The following GOLGA6L2 variants were observed in gnomAD, a reference collection of about 807,000 sequenced individuals.
GOLGA6L2 encodes the protein golgin A6 family like 2, also known as golgin subfamily A member 6-like protein 2.
GOLGA6L2 carries 30 observed loss-of-function variants against 35.9 expected under a neutral mutation model. The ratio of observed to expected loss-of-function variants is 0.83; its 90% confidence interval spans 0.62 to 1.13. The LOEUF (loss-of-function observed/expected upper bound fraction) is 1.13, where lower values mean the gene tolerates loss of function less well. GOLGA6L2 is among the 50% of genes most tolerant of loss of function. GOLGA6L2 has a pLI of 0.00. For missense variants in GOLGA6L2, 821 were observed against 973.4 expected (o/e 0.84, Z 2.08); for synonymous variants, 297 against 344.0 (o/e 0.86, Z 1.51).
Position 23,440,830 on chromosome 15 carries a change from C to A in GOLGA6L2, c.1645G>T (p.Gly549Ter). 1 of 1,519,788 alleles carries A rather than the reference C, an allele frequency of 6.6e-7. No homozygotes were observed. The highest frequency in any genetic ancestry group is 8.8e-7 in the Non-Finnish European group (1 of 1,130,506). The allele number at this position is 1,519,788 out of a possible 1,614,324, so 94.1% of individuals were successfully genotyped here. A position where few individuals can be genotyped will look rare whatever the true frequency, so the allele number is the denominator to read the frequency against. The change falls in exon 8 of 8, where the codon GGA becomes TGA. Residue 549 changes from glycine to a stop codon, truncating the protein, a stop_gained. Transcript: ENST00000567107. LOFTEE classifies it low-confidence loss of function (END_TRUNC). ...GCTTCTCCTGCTCCTGCAGCCTCTCCTCCTGTCTCCACATCTTCCTGCTCC... is the reference window on the plus strand; with the variant it reads ...GCTTCTCCTGCTCCTGCAGCCTCTCATCCTGTCTCCACATCTTCCTGCTCC... ...MREQEDVETGGEAAGAGEADV... is the reference protein window; with the variant it reads ...MREQEDVETG
At position 23,440,489 on chromosome 15, in the gene GOLGA6L2, T is replaced by C; in HGVS notation, c.1986A>G (p.Gly662=). 1 of 328,188 alleles carries C rather than the reference T, an allele frequency of 3.0e-6. No individual in the cohort carries two copies. The highest frequency in any genetic ancestry group is 4.0e-6 in the Non-Finnish European group (1 of 248,792). 20.3% of individuals were successfully genotyped at this position (328,188 alleles called of 1,614,324 possible). A position where few individuals can be genotyped will look rare whatever the true frequency, so the allele number is the denominator to read the frequency against. The change falls in exon 8 of 8, where the codon GGA becomes GGG. Residue 662 remains glycine (G), a synonymous_variant. Transcript: ENST00000567107. ...EDAGAGREDA[G]AGGEDVGAGR... ...CTGCTCCCACATCTTCTCCTCCTGC[T>C]CCCGCATCTTCTCTTCCTGCTCCTG...
chr15:23,441,466 G>A lies in GOLGA6L2; in HGVS notation c.1009C>T (p.Leu337=), dbSNP rs1223699849. The A allele has an allele frequency of 1.4e-6, 2 of 1,407,852 alleles. No homozygotes were observed. Among genetic ancestry groups the A allele is most frequent in the Non-Finnish European group, 1.9e-6 (2 of 1,055,496 alleles). The allele number at this position is 1,407,852 out of a possible 1,614,324, so 87.2% of individuals were successfully genotyped here. A position where few individuals can be genotyped will look rare whatever the true frequency, so the allele number is the denominator to read the frequency against. The change falls in exon 8 of 8, where the codon CTG becomes TTG. Residue 337 remains leucine (L), a synonymous_variant. Transcript: ENST00000567107. ...EKELREQEKE[L]REQKKLREQE... The stretch of plus-strand genomic sequence containing the variant: ...TCCCGCAGCTTCTTCTGCTCCCGCA[G>A]CTCCTTCTCCTGCTCCCGCAGCTCC...
rs1223033650 is a variant in GOLGA6L2 at position 23,444,003 on chromosome 15, T to C, written c.365A>G (p.Gln122Arg). Reference sequence around the variant, plus strand: ...ATCTTCAAATTTCCTGGCAGCATCCTGGCTGTAATAGAGCGCTGTCTCCAG... The same window carrying C: ...ATCTTCAAATTTCCTGGCAGCATCCCGGCTGTAATAGAGCGCTGTCTCCAG... The part of the protein sequence containing the change: ...TELETALYYS[Q>R]DAARKFEDGN... Residue 122 changes from glutamine (Q) to arginine (R), a missense_variant, in exon 5 of 8, where the codon CAG (glutamine) becomes CGG (arginine). Physicochemically the swap from Gln to Arg is conservative, Grantham distance 43. Coordinates refer to ENST00000567107, the MANE Select transcript of GOLGA6L2 (RefSeq NM_001304388.2). 3.6e-5 allele frequency: 56 copies of C among 1,554,702 alleles called. No homozygotes were observed. The highest frequency in any genetic ancestry group is 4.7e-5 in the Non-Finnish European group (54 of 1,156,574).
At position 23,444,092 on chromosome 15, in the gene GOLGA6L2, G is replaced by T; in HGVS notation, c.295-19C>A. 1 of 1,579,970 alleles carries T rather than the reference G, an allele frequency of 6.3e-7. No homozygotes were observed. On this transcript the variant is annotated intron_variant, in intron 4 of 7. Transcript: ENST00000567107. ...CCTGGGCCTTTGGGAGAAAAGACAAGCAAGTGCTGAAAGAGAAGCAAAAAA... is the reference window on the plus strand; with the variant it reads ...CCTGGGCCTTTGGGAGAAAAGACAATCAAGTGCTGAAAGAGAAGCAAAAAA...
In GOLGA6L2 at chr15:23,444,514, C is replaced by G; in HGVS notation, c.214-14G>C. 1 of 1,599,246 alleles carries G rather than the reference C, an allele frequency of 6.3e-7. No individual in the cohort carries two copies. The highest frequency in any genetic ancestry group is 8.5e-7 in the Non-Finnish European group (1 of 1,179,608). On this transcript the variant is annotated splice_polypyrimidine_tract_variant and intron_variant, in intron 2 of 7. Transcript: ENST00000567107. The stretch of plus-strand genomic sequence containing the variant: ...GTTCTGTTGTGTCTGTGGGGAGAGT[C>G]AAAGGAAGGTGACTGAGGGTGGCCC...
rs2070699716 is a variant in GOLGA6L2 at position 23,442,021 on chromosome 15, C to T, written c.750G>A (p.Glu250=). ...TGGCCCTCTCCAGTTTCCTTTTTAG[C>T]TCCTTCACGTTGAGCTGGATCTCAG... ...EKSEIQLNVK[E]LKRKLERAKF... is the part of the protein sequence containing the mutation. The change falls in exon 7 of 8, where the codon GAG becomes GAA. Residue 250 remains glutamate, a synonymous_variant. Transcript: ENST00000567107. 1.9e-6 allele frequency: 3 copies of T among 1,544,914 alleles called. No homozygotes were observed. The highest frequency in any genetic ancestry group is 2.4e-5 in the South Asian group (2 of 84,712).
chr15:23,439,734 T>G lies in GOLGA6L2; in HGVS notation c.*11A>C, dbSNP rs755137891. ...CCTCCTGCAGGCTCCACACTGCCAGTGTGGCTCATATTACAAAGAACTTTG... is the reference window on the plus strand; with the variant it reads ...CCTCCTGCAGGCTCCACACTGCCAGGGTGGCTCATATTACAAAGAACTTTG... On this transcript the variant is annotated 3_prime_UTR_variant, in exon 8 of 8. Coordinates refer to ENST00000567107, the MANE Select transcript of GOLGA6L2 (RefSeq NM_001304388.2). The G allele has an allele frequency of 3.3e-5, 51 of 1,536,184 alleles. No individual in the cohort carries two copies. The highest frequency in any genetic ancestry group is 4.4e-5 in the Non-Finnish European group (51 of 1,146,828).
rs1475151626 is a variant in GOLGA6L2 at position 23,443,961 on chromosome 15, G to A, written c.407C>T (p.Pro136Leu). 6.4e-7 allele frequency: 1 copy of A among 1,561,362 alleles called. No individual in the cohort carries two copies. Among genetic ancestry groups the A allele is most frequent in the Non-Finnish European group, 8.6e-7 (1 of 1,160,176 alleles). ...TGAAAGTGCCAGGTTGAAGGATGATGGGGTGCCCAGGTTCCCATCTTCAAA... is the reference window on the plus strand; with the variant it reads ...TGAAAGTGCCAGGTTGAAGGATGATAGGGTGCCCAGGTTCCCATCTTCAAA... ...RKFEDGNLGT[P>L]SSFNLALSQA... The change falls in exon 5 of 8, where the codon CCA becomes CTA. Residue 136 changes from proline to leucine, a missense_variant. This residue lies in a region of GOLGA6L2 where 614 missense variants were observed against 632.3 expected (regional missense o/e 0.97). Transcript: ENST00000567107.
chr15:23,441,458 CT>C lies in GOLGA6L2; in HGVS notation c.1016del (p.Glu339GlyfsTer639). ...ELREQEKELREQKKLREQEEQ... is the reference protein window; with the variant it reads ...ELREQEKELRXQKKLREQEEQ... ...CCTCCTGCTCCCGCAGCTTCTTCTG[CT>C]CCCGCAGCTCCTTCTCCTGCTCCCG... is the stretch of plus-strand genomic sequence containing the variant. On this transcript the variant is annotated frameshift_variant, in exon 8 of 8. Coordinates refer to ENST00000567107, the MANE Select transcript of GOLGA6L2 (RefSeq NM_001304388.2). LOFTEE classifies it low-confidence loss of function (END_TRUNC). 7.1e-7 allele frequency: 1 copy of C among 1,415,478 alleles called. No homozygotes were observed. Among genetic ancestry groups the C allele is most frequent in the African/African-American group, 1.4e-5 (1 of 70,012 alleles). The allele number at this position is 1,415,478 out of a possible 1,614,324, so 87.7% of individuals were successfully genotyped here.
At position 23,444,483 on chromosome 15, in the gene GOLGA6L2, C is replaced by A. The variant is rs777263540; in HGVS notation, c.231G>T (p.Ala77=). ...CAAATCACGTTACTTCTTTCAGCTG[C>A]GCTCGGTTCTGTTGTGTCTGTGGGG... is the stretch of plus-strand genomic sequence containing the variant. The part of the protein sequence containing the change: ...HSPEDTQQNR[A]QLKEEKKASH... The change falls in exon 3 of 8, where the codon GCG becomes GCT. Residue 77 remains alanine, a synonymous_variant. Transcript: ENST00000567107. 4 of 1,599,978 alleles carry A rather than the reference C, an allele frequency of 2.5e-6. No homozygotes were observed. The highest frequency in any genetic ancestry group is 1.3e-5 in the African/African-American group (1 of 75,010).
Position 23,442,526 on chromosome 15 carries a change from T to G in GOLGA6L2, c.592-18A>C. ...TCGATGTACTGCAAATAGAGAAAGGTTAAGTCAGGACAGAGCAGGCAGAAG... is the reference window on the plus strand; with the variant it reads ...TCGATGTACTGCAAATAGAGAAAGGGTAAGTCAGGACAGAGCAGGCAGAAG... On this transcript the variant is annotated intron_variant, in intron 5 of 7. Transcript: ENST00000567107. 6.3e-7 allele frequency: 1 copy of G among 1,584,608 alleles called. No individual in the cohort carries two copies. Among genetic ancestry groups the G allele is most frequent in the Non-Finnish European group, 8.5e-7 (1 of 1,172,346 alleles).
At chr15:23,444,536 G>A in intron 2 of GOLGA6L2, 36 bp from the exon 3 acceptor site, 1 of 1,593,852 alleles carries the variant, frequency 6.3e-7, no homozygotes, top group Non-Finnish European at 8.5e-7. Context: ...ACTGAGGGTG[G>A]CCCCCTGGAC....
At position 23,447,240 on chromosome 15, in the gene GOLGA6L2, G is replaced by T; in HGVS notation, c.-59C>A. 1.0e-6 allele frequency: 1 copy of T among 977,310 alleles called. No homozygotes were observed. Among genetic ancestry groups the T allele is most frequent in the South Asian group, 1.3e-5 (1 of 77,698 alleles). The allele number at this position is 977,310 out of a possible 1,614,324, so 60.5% of individuals were successfully genotyped here. Reference sequence around the variant, plus strand: ...CCAGTCACGTACCACGCAGCTATGTGACTGAGCCAGAGGAGGTGTAACCAG... The same window carrying T: ...CCAGTCACGTACCACGCAGCTATGTTACTGAGCCAGAGGAGGTGTAACCAG... On this transcript the variant is annotated 5_prime_UTR_variant, in exon 1 of 8. Coordinates refer to ENST00000567107, the MANE Select transcript of GOLGA6L2 (RefSeq NM_001304388.2).
chr15:23,444,021 G>A lies in GOLGA6L2; in HGVS notation c.347C>T (p.Thr116Ile). 1 of 1,552,452 alleles carries A rather than the reference G, an allele frequency of 6.4e-7. No individual in the cohort carries two copies. Among genetic ancestry groups the A allele is most frequent in the Non-Finnish European group, 8.7e-7 (1 of 1,155,176 alleles). ...AGCATCCTGGCTGTAATAGAGCGCT[G>A]TCTCCAGTTCAGTTTTCTGACACGT... ...ILTCQKTELE[T>I]ALYYSQDAAR... Residue 116 changes from threonine to isoleucine, a missense_variant, in exon 5 of 8, where the codon ACA becomes ATA. By Grantham distance (89) the Thr-to-Ile change is moderately conservative. Coordinates refer to ENST00000567107, the MANE Select transcript of GOLGA6L2 (RefSeq NM_001304388.2).
Position 23,440,963 on chromosome 15 carries a change from C to A in GOLGA6L2, c.1512G>T (p.Glu504Asp). Residue 504 changes from glutamate to aspartate, a missense_variant, in exon 8 of 8, where the codon GAG (glutamate) becomes GAT (aspartate). Around this residue, in one of 7 missense-constraint regions of GOLGA6L2, gnomAD observed 614 missense variants for 632.3 expected, o/e 0.97. Coordinates refer to ENST00000567107, the MANE Select transcript of GOLGA6L2 (RefSeq NM_001304388.2). ...PEQKEKLWEQEKMQEQEEKIW... is the reference protein window; with the variant it reads ...PEQKEKLWEQDKMQEQEEKIW... ...TCTTCTCCTCCTGCTCCTGCATCTT[C>A]TCCTGTTCCCACAGCTTCTCCTTCT... is the stretch of plus-strand genomic sequence containing the variant. 1 of 1,537,546 alleles carries A rather than the reference C, an allele frequency of 6.5e-7. No homozygotes were observed. The highest frequency in any genetic ancestry group is 2.5e-5 in the East Asian group (1 of 40,126).
Position 23,441,671 on chromosome 15 carries a change from G to A in GOLGA6L2, c.804C>T (p.Asn268=). ...AKFLLPQVQT[N]TLQEEMWRQE... ...GCCTCCACATCTCCTCCTGCAAAGTGTTGGTTTGAACCTCAAAAGGAAATA... is the reference window on the plus strand; with the variant it reads ...GCCTCCACATCTCCTCCTGCAAAGTATTGGTTTGAACCTCAAAAGGAAATA... The change falls in exon 8 of 8, where the codon AAC becomes AAT. Residue 268 remains asparagine, a synonymous_variant. Transcript: ENST00000567107. The A allele has an allele frequency of 1.3e-6, 2 of 1,515,686 alleles. No individual in the cohort carries two copies. The highest frequency in any genetic ancestry group is 1.8e-6 in the Non-Finnish European group (2 of 1,134,128). 93.9% of individuals were successfully genotyped at this position (1,515,686 alleles called of 1,614,324 possible).
In GOLGA6L2 at chr15:23,447,149, G is replaced by T; in HGVS notation, c.33C>A (p.Pro11=). 6.3e-7 allele frequency: 1 copy of T among 1,599,698 alleles called. No homozygotes were observed. The highest frequency in any genetic ancestry group is 2.2e-5 in the East Asian group (1 of 44,626). Residue 11 remains proline (P), a synonymous_variant, in exon 1 of 8, where the codon CCC becomes CCA. Coordinates refer to ENST00000567107, the MANE Select transcript of GOLGA6L2 (RefSeq NM_001304388.2). Reference sequence around the variant, plus strand: ...TCTGTCTGGTTTTTTCTGACATCATGGGGTGGGGAGGGAGGTGGGGTTGGG... The same window carrying T: ...TCTGTCTGGTTTTTTCTGACATCATTGGGTGGGGAGGGAGGTGGGGTTGGG... MWPQPHLPPH[P]MMSEKTRQNK...
In GOLGA6L2 at chr15:23,441,981, G is replaced by C. The variant is rs1409168449; in HGVS notation, c.790C>G (p.Gln264Glu). 6 of 1,544,180 alleles carry C rather than the reference G, an allele frequency of 3.9e-6. No homozygotes were observed. The highest frequency in any genetic ancestry group is 5.2e-6 in the Non-Finnish European group (6 of 1,152,488). ...KLERAKFLLP[Q>E]VQTNTLQEEM... ...CCCCTGGGGCTGCAGCCGCTCACCT[G>C]TGGCAGCAGGAACTTGGCCCTCTCC... The change falls in exon 7 of 8, where the codon CAG (glutamine) becomes GAG (glutamate). Residue 264 changes from glutamine to glutamate, a missense_variant and splice_region_variant. By Grantham distance (29) the Gln-to-Glu change is conservative. Transcript: ENST00000567107.
chr15:23,441,788 G>C, intron 7 of GOLGA6L2, 106 bp from the exon 8 acceptor site: 1 of 1,360,280 alleles, frequency 7.4e-7, no homozygotes, highest in Non-Finnish European at 9.7e-7. Flanking sequence ...TAACACTGAG[G>C]TTCTGATTTC....
Sources: gnomAD v4.1 joint callset for allele counts on GRCh38, gnomAD v4.1.1 for gene constraint, gnomAD v4.1.1 regional missense constraint, MANE v1.5 for transcripts, NCBI Gene and HGNC (gene_info 2026-07-23, HGNC 2026-07-21) for gene names.